Variants in LRP1B observed in about 807,000 individuals in gnomAD.
LRP1B encodes the protein LDL receptor related protein 1B.
A neutral mutation model predicts 556.6 loss-of-function variants in LRP1B; 217 were observed. The observed-to-expected ratio is 0.39, with a 90% CI of 0.35 to 0.44. The LOEUF (loss-of-function observed/expected upper bound fraction) is 0.44. LRP1B is among the 20% of genes least tolerant of loss of function. The probability of loss-of-function intolerance (pLI) is 1.00; values close to 1 mark genes in which losing one functional copy is unlikely to be tolerated. For missense variants in LRP1B, 5,053 were observed against 5,620.8 expected (o/e 0.90, Z 3.23); for synonymous variants, 2,047 against 1,865.8 (o/e 1.10, Z -2.50).
At chr2:141,898,559 C>T (rs1167355748) in intron 1 of LRP1B, among the ~76,000 whole-genome samples, 1 of 152,054 alleles carries the variant, frequency 6.6e-6, no homozygotes, top group African/African-American at 2.4e-5. Context: ...GAGAATGAAA[C>T]CAATCCAAAT....
At chr2:141,304,300 A>G (rs1411760414) in intron 3 of LRP1B, among the ~76,000 whole-genome samples, 1 of 151,490 alleles carries the variant, frequency 6.6e-6, no homozygotes, top group Non-Finnish European at 1.5e-5. Context: ...TATTTTTGTT[A>G]CCTGTGATTT....
chr2:141,542,096 G>T (rs1047976671), intron 2 of LRP1B, among the ~76,000 whole-genome samples: 1 of 151,936 alleles, frequency 6.6e-6, no homozygotes, highest in African/African-American at 2.4e-5. Context: ...AAATGATGGT[G>T]AATAAATCAG....
chr2:141,927,284 G>A (rs1700359801), intron 1 of LRP1B, among the ~76,000 whole-genome samples: 1 of 152,066 alleles, frequency 6.6e-6, no homozygotes. Flanking sequence ...TAAATGTTGT[G>A]AATTTTGAGA....
intron 6 of LRP1B, among the ~76,000 whole-genome samples, chr2:141,200,793 G>A (rs1035510576): frequency 6.6e-6 from 1 of 152,086 alleles, no homozygotes; most frequent in Non-Finnish European, 1.5e-5. Context: ...TCCTATATGT[G>A]TAATTCACTG....
At chr2:141,071,440 A>C (rs866345081) in intron 7 of LRP1B, among the ~76,000 whole-genome samples, 2 of 152,024 alleles carry the variant, frequency 1.3e-5, no homozygotes, top group African/African-American at 4.8e-5. Context: ...CTTTGAAAAC[A>C]GGCACAAGAC....
chr2:140,995,475 A>G (rs573131391), intron 15 of LRP1B, among the ~76,000 whole-genome samples: 1 of 152,212 alleles, frequency 6.6e-6, no homozygotes, highest in East Asian at 1.9e-4. Flanking sequence ...ATTAACAACA[A>G]TAACACAATA....
chr2:141,848,262 A>G (rs1697722727), intron 1 of LRP1B, among the ~76,000 whole-genome samples: 1 of 151,600 alleles, frequency 6.6e-6, no homozygotes. Flanking sequence ...AATTCCAACC[A>G]TTGGTATAAA....
At chr2:141,058,770 T>A (rs887614610) in intron 9 of LRP1B, 113 bp downstream of exon 9, 2 of 762,486 alleles carry the variant, frequency 2.6e-6, no homozygotes, top group Non-Finnish European at 3.8e-6. Flanking sequence ...CTACTTTTGC[T>A]GTCAAAGCAG....
chr2:142,035,627 G>C (rs1031406766), intron 1 of LRP1B, among the ~76,000 whole-genome samples: 1 of 151,536 alleles, frequency 6.6e-6, no homozygotes, highest in Admixed American at 6.6e-5. Context: ...ATTCCTTTTG[G>C]TGTAATTCAC....
intron 20 of LRP1B, among the ~76,000 whole-genome samples, chr2:140,929,802 A>C (rs1002624331): frequency 6.7e-6 from 1 of 149,282 alleles, no homozygotes; most frequent in Non-Finnish European, 1.5e-5. Flanking sequence ...ACACAGTTTT[A>C]CTTCCCACTT....
chr2:142,102,648 T>A (rs994069519), intron 1 of LRP1B, among the ~76,000 whole-genome samples: 1 of 151,848 alleles, frequency 6.6e-6, no homozygotes, highest in African/African-American at 2.4e-5. Flanking sequence ...AATGCAAATC[T>A]TTTGCTATGA....
chr2:140,841,137 C>T (rs1417661943), intron 29 of LRP1B, 45 bp from the exon 30 acceptor site: 1 of 1,293,050 alleles, frequency 7.7e-7, no homozygotes, highest in African/African-American at 1.5e-5. Flanking sequence ...TGAAGTTTTT[C>T]ATTGTACTGG....
At chr2:140,789,816 G>C (rs1386513732) in intron 32 of LRP1B, among the ~76,000 whole-genome samples, 1 of 150,978 alleles carries the variant, frequency 6.6e-6, no homozygotes, top group Non-Finnish European at 1.5e-5. Flanking sequence ...ATTTTTAGTA[G>C]AGACGGGGTT....
intron 27 of LRP1B, among the ~76,000 whole-genome samples, chr2:140,862,178 A>G (rs72988160): frequency 0.092 from 13,975 of 152,152 alleles, 1,143 homozygotes; most frequent in African/African-American, 0.22. Flanking sequence ...TCAAAGTTTA[A>G]TTTTTCAGAT....
intron 66 of LRP1B, among the ~76,000 whole-genome samples, chr2:140,418,833 C>G (rs1363686605): frequency 1.3e-5 from 2 of 152,062 alleles, no homozygotes; most frequent in Non-Finnish European, 2.9e-5. Context: ...AACCATACCC[C>G]TCCCTGGAGA....
intron 41 of LRP1B, among the ~76,000 whole-genome samples, chr2:140,695,812 C>T (rs1338572293): frequency 3.9e-5 from 6 of 152,112 alleles, no homozygotes; most frequent in African/African-American, 9.7e-5. Flanking sequence ...CATCCTTATT[C>T]GCTCATACCT....
At chr2:140,452,595 T>C (rs1490333233) in intron 62 of LRP1B, among the ~76,000 whole-genome samples, 2 of 152,098 alleles carry the variant, frequency 1.3e-5, no homozygotes, top group Non-Finnish European at 2.9e-5. Context: ...TATAAGTGAC[T>C]AACAGCCAGC....
intron 2 of LRP1B, among the ~76,000 whole-genome samples, chr2:141,750,541 G>A (rs1694071024): frequency 6.6e-6 from 1 of 152,066 alleles, no homozygotes; most frequent in Admixed American, 6.6e-5. Flanking sequence ...GCATTAGTCA[G>A]TATTTTATTA....
intron 1 of LRP1B, among the ~76,000 whole-genome samples, chr2:141,966,786 T>A (rs1481899560): frequency 1.3e-5 from 2 of 151,810 alleles, no homozygotes; most frequent in African/African-American, 4.8e-5. Context: ...ACCCTATGGA[T>A]GTTCCGGTGG....
Sources: allele counts gnomAD v4.1 joint callset (sites outside exome capture counted in the v4.1 genomes callset), GRCh38; gene constraint gnomAD v4.1.1; transcripts MANE v1.5; gene names NCBI Gene and HGNC (gene_info 2026-07-23, HGNC 2026-07-21).